APOO: variants seen among roughly 807,000 people sequenced by gnomAD.
APOO encodes MICOS complex subunit MIC26.
Under a neutral mutation model 23.1 loss-of-function variants are expected in APOO, and 11 were observed. That is an observed-to-expected ratio of 0.48 (90% CI 0.30 to 0.79). The LOEUF is 0.79. Among genes scored for constraint, APOO ranks in the 30% least tolerant of loss-of-function variants. The probability of loss-of-function intolerance (pLI) is 0.07; values close to 1 mark genes in which losing one functional copy is unlikely to be tolerated. For missense variants in APOO, 160 were observed against 142.7 expected (o/e 1.12, Z -0.62); for synonymous variants, 59 against 54.8 (o/e 1.08, Z -0.34).
At chrX:23,871,518 A>G (rs1925622411) in intron 4 of APOO, among the ~76,000 whole-genome samples, 1 of 111,367 alleles carries the variant, frequency 9.0e-6, no homozygotes, top group African/African-American at 3.3e-5. Flanking sequence ...TCACACCTCT[A>G]AGCCTGATCA....
rs939778386 is a variant in APOO, at chrX:23,842,515, TA to T, written c.562-2139del. Among the ~76,000 whole-genome samples, 33 of 110,845 alleles carry T rather than the reference TA, an allele frequency of 3.0e-4. No homozygotes were observed. The South Asian group carries it at 3.8e-3, about 13-fold the overall frequency. The stretch of plus-strand genomic sequence containing the variant: ...AATTTCTGTTAGCAAAATTAAAACT[TA>T]AAAAAAAATCAAAACATTGATTTCT... On this transcript the variant is annotated intron_variant, in intron 7 of 8. Transcript: ENST00000379226.
chrX:23,884,861 G>A (rs189208259), intron 1 of APOO, among the ~76,000 whole-genome samples: 1 of 111,586 alleles, frequency 9.0e-6, no homozygotes, highest in East Asian at 2.8e-4. Context: ...TAGAAAAAGA[G>A]GGGCAAGTCT....
At chrX:23,860,770 C>T (rs1053502696) in intron 5 of APOO, among the ~76,000 whole-genome samples, 1 of 105,796 alleles carries the variant, frequency 9.5e-6, no homozygotes, top group Non-Finnish European at 2.0e-5. Flanking sequence ...AATCCACCTG[C>T]CTCAGCCTCC....
chrX:23,879,184 C>T, intron 2 of APOO, 150 bp from the exon 3 acceptor site: 1 of 721,144 alleles, frequency 1.4e-6, no homozygotes, highest in Non-Finnish European at 1.9e-6. Context: ...GCTTGTAATC[C>T]CAGCACTTTG....
rs756645471 is a variant in APOO at position 23,878,854 on chromosome X, A to G, written c.237+61T>C. 4.3e-6 allele frequency: 5 copies of G among 1,164,484 alleles called. No individual in the cohort carries two copies. The East Asian group carries it at 1.5e-4, about 36-fold the overall frequency. On this transcript the variant is annotated intron_variant, in intron 3 of 8. Transcript: ENST00000379226. Reference sequence around the variant, plus strand: ...TTTTCCAAAAACATGCAGCCAATACAGACTTTCCTCTATGGACTCTAAACA... The same window carrying G: ...TTTTCCAAAAACATGCAGCCAATACGGACTTTCCTCTATGGACTCTAAACA...
intron 5 of APOO, among the ~76,000 whole-genome samples, chrX:23,861,523 G>C (rs1217496338): frequency 1.0e-5 from 1 of 97,997 alleles, no homozygotes; most frequent in African/African-American, 3.9e-5. Context: ...TGCAAGAATG[G>C]CCTAACACAT....
intron 7 of APOO, among the ~76,000 whole-genome samples, chrX:23,854,653 C>T (rs192720978): frequency 8.3e-5 from 9 of 108,261 alleles, no homozygotes; most frequent in Admixed American, 4.0e-4. Flanking sequence ...CCTGAGTAGC[C>T]GGGATTACAG....
chrX:23,834,728 A>ATT (rs201063083), intron 8 of APOO, among the ~76,000 whole-genome samples: 3 of 100,843 alleles, frequency 3.0e-5, no homozygotes, highest in African/African-American at 1.1e-4. Flanking sequence ...CTTTTTTCAT[A>ATT]TTTTTTTTTT....
intron 5 of APOO, among the ~76,000 whole-genome samples, chrX:23,864,290 C>T (rs1220243931): frequency 9.2e-6 from 1 of 109,154 alleles, no homozygotes; most frequent in Non-Finnish European, 1.9e-5. Flanking sequence ...CCACCATACC[C>T]GGCTGATTTG....
intron 6 of APOO, 103 bp downstream of exon 6, chrX:23,858,539 G>A (rs1924875077): frequency 1.3e-6 from 1 of 767,481 alleles, no homozygotes; most frequent in African/African-American, 2.1e-5. Flanking sequence ...ACAAATTTTA[G>A]TCTGGTGTTA....
At chrX:23,841,076 TGGCAGTCTGAAAAACAG>T (rs978610440) in intron 7 of APOO, among the ~76,000 whole-genome samples, 2 of 112,186 alleles carry the variant, frequency 1.8e-5, no homozygotes, top group Non-Finnish European at 3.8e-5. Flanking sequence ...AGAGATCAGA[TGGCAGTCTGAAAAACAG>T]GAGGCTGCAG....
At chrX:23,907,590 G>A in intron 1 of APOO, 104 bp downstream of exon 1, 5 of 888,746 alleles carry the variant, frequency 5.6e-6, no homozygotes, top group Non-Finnish European at 7.6e-6. Context: ...AAAAGCCTCG[G>A]GGTGAGCCAG....
At chrX:23,845,504 T>A (rs961405194) in intron 7 of APOO, among the ~76,000 whole-genome samples, 8 of 112,252 alleles carry the variant, frequency 7.1e-5, no homozygotes, top group African/African-American at 2.6e-4. Context: ...CAACTCCCTA[T>A]CTCTCCCTCC....
At chrX:23,882,562 T>G (rs754565237) in intron 1 of APOO, among the ~76,000 whole-genome samples, 36 of 112,013 alleles carry the variant, frequency 3.2e-4, no homozygotes, top group Non-Finnish European at 5.6e-4. Context: ...GCCATAGAAA[T>G]AGGAATATGG....
Position 23,840,171 on chromosome X carries a change from C to T in APOO, c.*29+142G>A, listed in dbSNP as rs185115377. The T allele has an allele frequency of 1.4e-3, 512 of 369,953 alleles. 6 individuals carry two copies. Among genetic ancestry groups the T allele is most frequent in the African/African-American group, 0.013 (485 of 36,753 alleles). 30.5% of individuals were successfully genotyped at this position (369,953 alleles called of 1,213,427 possible). The stretch of plus-strand genomic sequence containing the variant: ...AAATAAGTAAGTCACAGCATTTAAG[C>T]CCAGAAACTAAAAGATGGAATAAAA... On this transcript the variant is annotated intron_variant, in intron 8 of 8. Coordinates refer to ENST00000379226, the MANE Select transcript of APOO (RefSeq NM_024122.5).
At chrX:23,871,437 C>G (rs948021841) in intron 4 of APOO, among the ~76,000 whole-genome samples, 5 of 110,464 alleles carry the variant, frequency 4.5e-5, no homozygotes, top group Non-Finnish European at 7.6e-5. Context: ...ACAAAGCCCT[C>G]ATGTCTCCTT....
At chrX:23,865,496 C>T (rs1925294173) in intron 5 of APOO, among the ~76,000 whole-genome samples, 1 of 109,130 alleles carries the variant, frequency 9.2e-6, no homozygotes, top group African/African-American at 3.3e-5. Flanking sequence ...CCCAGCTACT[C>T]GGGAGGCTGA....
At chrX:23,865,795 A>G (rs1029356498) in intron 5 of APOO, among the ~76,000 whole-genome samples, 1 of 110,678 alleles carries the variant, frequency 9.0e-6, no homozygotes, top group African/African-American at 3.3e-5. Context: ...TCTATACCCA[A>G]CGCTCAGGAG....
At position 23,880,937 on chromosome X, in the gene APOO, C is replaced by G. The variant is rs760203325; in HGVS notation, c.25G>C (p.Val9Leu). 5.9e-6 allele frequency: 7 copies of G among 1,178,020 alleles called. No homozygotes were observed. Among genetic ancestry groups the G allele is most frequent in the Non-Finnish European group, 7.9e-6 (7 of 880,517 alleles). MFKVIQRSVGPASLSLLTF... is the reference protein window; with the variant it reads MFKVIQRSLGPASLSLLTF... ...AGCAAGCTCAGGCTGGCTGGCCCCA[C>G]GGACCTCTGAATTACCTGAAATGCA... Residue 9 changes from valine to leucine, a missense_variant, in exon 2 of 9, where the codon GTG (valine) becomes CTG (leucine). Physicochemically the swap from Val to Leu is conservative, Grantham distance 32. Coordinates refer to ENST00000379226, the MANE Select transcript of APOO (RefSeq NM_024122.5).
Sources: gnomAD v4.1 joint callset for allele counts (sites outside exome capture counted in the v4.1 genomes callset) on GRCh38, gnomAD v4.1.1 for gene constraint, MANE v1.5 for transcripts, NCBI Gene and HGNC (gene_info 2026-07-23, HGNC 2026-07-21) for gene names.